Variants in UBQLN1 observed in about 807,000 individuals in gnomAD.
The protein encoded by UBQLN1 is ubiquilin-1.
In UBQLN1, 13 loss-of-function variants were observed where a neutral mutation model predicts 65.4. That is an observed-to-expected ratio of 0.20 (90% CI 0.13 to 0.32). The LOEUF (loss-of-function observed/expected upper bound fraction) is 0.32. Ranked by LOEUF, UBQLN1 falls within the 10% of genes least tolerant of loss-of-function variation. UBQLN1 has a pLI of 1.00. For missense variants in UBQLN1, 561 were observed against 724.0 expected (o/e 0.77, Z 2.58); for synonymous variants, 267 against 247.8 (o/e 1.08, Z -0.73).
chr9:83,674,761 T>TGGG (rs1445959393), intron 6 of UBQLN1, among the ~76,000 whole-genome samples: 1 of 152,182 alleles, frequency 6.6e-6, no homozygotes, highest in Non-Finnish European at 1.5e-5. Flanking sequence ...CTCAATTGTA[T>TGGG]GGGGAGTCAA....
rs975660870 is a variant in UBQLN1, at chr9:83,681,777, C to T, written c.448+1174G>A. 3.3e-5 allele frequency among the ~76,000 whole-genome samples: 5 copies of T among 152,166 alleles called. No homozygotes were observed. In the East Asian group the frequency reaches 5.8e-4, roughly 18 times the overall value. On this transcript the variant is annotated intron_variant, in intron 3 of 10. Coordinates refer to ENST00000376395, the MANE Select transcript of UBQLN1 (RefSeq NM_013438.5). ...GCCTATGTGAAATGCCAAAGGACTA[C>T]AAGAAATGATATATGCCACTTCTGG...
In UBQLN1 at chr9:83,683,196, A is replaced by C. The variant is rs1250344798; in HGVS notation, c.333-130T>G. On this transcript the variant is annotated intron_variant, in intron 2 of 10. Transcript: ENST00000376395. ...GGGAGGCCGAAGCTGGCTGATCACG[A>C]GGTCAAGAGATAGAGAACATCCTGG... The C allele has an allele frequency of 5.8e-6, 3 of 517,756 alleles. No individual in the cohort carries two copies. The Admixed American group carries it at 9.5e-5, about 16-fold the overall frequency. 32.1% of individuals were successfully genotyped at this position (517,756 alleles called of 1,614,324 possible). A position where few individuals can be genotyped will look rare whatever the true frequency, so the allele number is the denominator to read the frequency against.
At chr9:83,668,308 C>T (rs936620923) in intron 7 of UBQLN1, 30 of 984,780 alleles carry the variant, frequency 3.0e-5, no homozygotes, top group Non-Finnish European at 3.5e-5. Context: ...ATTCATTTGA[C>T]TTAAAGCTTT....
chr9:83,680,025 C>T lies in UBQLN1; in HGVS notation c.461G>A (p.Gly154Glu). Reference protein sequence around the residue: ...SNPFGLGGLGGLAGLSSLGLN... With the variant: ...SNPFGLGGLGELAGLSSLGLN... Reference sequence around the variant, plus strand: ...ACCCAAGCTACTCAGACCTGCAAGTCCCCCAAGGCCACCTAAGAGGATAAA... The same window carrying T: ...ACCCAAGCTACTCAGACCTGCAAGTTCCCCAAGGCCACCTAAGAGGATAAA... Residue 154 changes from glycine to glutamate, a missense_variant, in exon 4 of 11, where the codon GGA (glycine) becomes GAA (glutamate). Gly to Glu is a moderately conservative substitution (Grantham distance 98). Coordinates refer to ENST00000376395, the MANE Select transcript of UBQLN1 (RefSeq NM_013438.5). 1.2e-6 allele frequency: 2 copies of T among 1,611,260 alleles called. No homozygotes were observed. Among genetic ancestry groups the T allele is most frequent in the South Asian group, 1.1e-5 (1 of 90,958 alleles).
chr9:83,665,809 A>T (rs747984811), intron 8 of UBQLN1, among the ~76,000 whole-genome samples: 9 of 152,168 alleles, frequency 5.9e-5, no homozygotes, highest in Non-Finnish European at 1.0e-4. Context: ...TTAAATAATA[A>T]AATACCATGG....
intron 6 of UBQLN1, among the ~76,000 whole-genome samples, chr9:83,676,559 T>G (rs977488214): frequency 2.0e-5 from 3 of 152,248 alleles, no homozygotes; most frequent in Non-Finnish European, 4.4e-5. Context: ...TTAAAAATGG[T>G]ATTACTTCAG....
chr9:83,678,350 T>G, intron 5 of UBQLN1, 91 bp downstream of exon 5: 35 of 1,421,774 alleles, frequency 2.5e-5, no homozygotes, highest in East Asian at 7.2e-5. Flanking sequence ...GAAAACCACA[T>G]TCCTCATATA....
rs562234941 is a variant in UBQLN1 at position 83,683,733 on chromosome 9, T to C, written c.333-667A>G. Among the ~76,000 whole-genome samples, 16 of 151,796 alleles carry C rather than the reference T, an allele frequency of 1.1e-4. No homozygotes were observed. The East Asian group carries it at 2.7e-3, about 26-fold the overall frequency. On this transcript the variant is annotated intron_variant, in intron 2 of 10. Coordinates refer to ENST00000376395, the MANE Select transcript of UBQLN1 (RefSeq NM_013438.5). The stretch of plus-strand genomic sequence containing the variant: ...AAAGCTTGACTATATAAAAAACTTT[T>C]TTATCTTGGCCAGGTGCGGTGGCTC...
At chr9:83,664,354 G>A (rs1324767790) in intron 9 of UBQLN1, among the ~76,000 whole-genome samples, 1 of 152,162 alleles carries the variant, frequency 6.6e-6, no homozygotes, top group African/African-American at 2.4e-5. Flanking sequence ...AGGAGGTAGA[G>A]GCTGAAGTGA....
chr9:83,677,977 T>G lies in UBQLN1; in HGVS notation c.871-16A>C. 6.7e-7 allele frequency: 1 copy of G among 1,486,026 alleles called. No individual in the cohort carries two copies. The highest frequency in any genetic ancestry group is 1.9e-5 in the Admixed American group (1 of 52,190). 92.1% of individuals were successfully genotyped at this position (1,486,026 alleles called of 1,614,324 possible). ...TACCACCAAACTGTAATAAAAGACA[T>G]AAAAAATCACAAAGAATAAGCTTTT... On this transcript the variant is annotated splice_polypyrimidine_tract_variant and intron_variant, in intron 5 of 10. Transcript: ENST00000376395.
In UBQLN1 at chr9:83,707,722, G is replaced by A; in HGVS notation, c.-43C>T. 2.0e-6 allele frequency: 3 copies of A among 1,512,018 alleles called. No homozygotes were observed. Among genetic ancestry groups the A allele is most frequent in the East Asian group, 2.5e-5 (1 of 39,908 alleles). 93.7% of individuals were successfully genotyped at this position (1,512,018 alleles called of 1,614,324 possible). ...CGGCGGTGACTCAGGCAAGCAGGAG[G>A]GAGCAGGCGAGCAAGGAGGAGCCAG... On this transcript the variant is annotated 5_prime_UTR_variant, in exon 1 of 11. Coordinates refer to ENST00000376395, the MANE Select transcript of UBQLN1 (RefSeq NM_013438.5).
At chr9:83,676,353 G>A (rs929870088) in intron 6 of UBQLN1, among the ~76,000 whole-genome samples, 1 of 152,098 alleles carries the variant, frequency 6.6e-6, no homozygotes, top group Non-Finnish European at 1.5e-5. Context: ...TTGGTTTTTG[G>A]TTTTTTAGAC....
At chr9:83,696,233 T>G (rs1333261958) in intron 1 of UBQLN1, among the ~76,000 whole-genome samples, 1 of 152,234 alleles carries the variant, frequency 6.6e-6, no homozygotes, top group Non-Finnish European at 1.5e-5. Context: ...TGTCTTGATA[T>G]ATGTAAACAA....
At chr9:83,685,397 T>TAAGTCTAG (rs1241959203) in intron 2 of UBQLN1, among the ~76,000 whole-genome samples, 1 of 152,254 alleles carries the variant, frequency 6.6e-6, no homozygotes, top group African/African-American at 2.4e-5. Flanking sequence ...CATACCCATG[T>TAAGTCTAG]AAGTCTAAAG....
At position 83,661,772 on chromosome 9, in the gene UBQLN1, G is replaced by C. The variant is rs201074120; in HGVS notation, c.*15C>G. 11 of 1,566,334 alleles carry C rather than the reference G, an allele frequency of 7.0e-6. No individual in the cohort carries two copies. Among genetic ancestry groups the C allele is most frequent in the Non-Finnish European group, 8.6e-6 (10 of 1,157,780 alleles). On this transcript the variant is annotated 3_prime_UTR_variant, in exon 11 of 11. Coordinates refer to ENST00000376395, the MANE Select transcript of UBQLN1 (RefSeq NM_013438.5). ...TCAAAAATAAATTACATTTTTTCAA[G>C]ATACAGAAATGCTGCTATGATGGCT...
chr9:83,705,967 G>A (rs1264484587), intron 1 of UBQLN1, among the ~76,000 whole-genome samples: 3 of 151,764 alleles, frequency 2.0e-5, no homozygotes, highest in Non-Finnish European at 4.4e-5. Context: ...TTGATGGAAA[G>A]GCCAAGTGAC....
In UBQLN1 at chr9:83,660,448, C is replaced by CT. The variant is rs879657889; in HGVS notation, c.*1338_*1339insA. ...TAATTGGTCCTAAAGGAATGTACCA[C>CT]CCCAACAGTTTGGGAGTTAGGCAAA... On this transcript the variant is annotated 3_prime_UTR_variant, in exon 11 of 11. Transcript: ENST00000376395. 5.2e-5 allele frequency: 8 copies of CT among 152,566 alleles called. No homozygotes were observed. The highest frequency in any genetic ancestry group is 1.0e-4 in the Non-Finnish European group (7 of 68,026). The allele number at this position is 152,566 out of a possible 1,614,324, so 9.5% of individuals were successfully genotyped here. A position where few individuals can be genotyped will look rare whatever the true frequency, so the allele number is the denominator to read the frequency against.
chr9:83,697,908 G>GT (rs1832246934), intron 1 of UBQLN1, among the ~76,000 whole-genome samples: 1 of 151,906 alleles, frequency 6.6e-6, no homozygotes, highest in South Asian at 2.1e-4. Context: ...GGCAAATCTT[G>GT]TATCTTTAGT....
Position 83,666,335 on chromosome 9 carries a change from T to C in UBQLN1, c.1332+15A>G. 1 of 1,612,848 alleles carries C rather than the reference T, an allele frequency of 6.2e-7. No individual in the cohort carries two copies. The highest frequency in any genetic ancestry group is 8.5e-7 in the Non-Finnish European group (1 of 1,178,922). On this transcript the variant is annotated intron_variant, in intron 8 of 10. Coordinates refer to ENST00000376395, the MANE Select transcript of UBQLN1 (RefSeq NM_013438.5). ...AAATCATTACCCAAGATAGCTAACATCTTGTCTTACTCACTTGTTGGAGGA... is the reference window on the plus strand; with the variant it reads ...AAATCATTACCCAAGATAGCTAACACCTTGTCTTACTCACTTGTTGGAGGA...
Sources: gnomAD v4.1 joint callset for allele counts (sites outside exome capture counted in the v4.1 genomes callset) on GRCh38, gnomAD v4.1.1 for gene constraint, MANE v1.5 for transcripts, NCBI Gene and HGNC (gene_info 2026-07-23, HGNC 2026-07-21) for gene names.